The following PRRC2B variants were observed in gnomAD, a reference collection of about 807,000 sequenced individuals.
PRRC2B encodes the protein protein PRRC2B.
A neutral mutation model predicts 242.3 loss-of-function variants in PRRC2B; 68 were observed. The observed-to-expected ratio is 0.28, with a 90% CI of 0.23 to 0.34. The LOEUF (loss-of-function observed/expected upper bound fraction) is 0.34, where lower values mean the gene tolerates loss of function less well. Ranked by LOEUF, PRRC2B falls within the 10% of genes least tolerant of loss-of-function variation. The pLI is 1.00. For synonymous variants in PRRC2B, 1,228 were observed against 1,173.6 expected (o/e 1.05, Z -0.95); for missense variants, 2,835 against 2,954.8 (o/e 0.96, Z 0.94).
chr9:131,465,149 G>T, intron 12 of PRRC2B, 71 bp downstream of exon 12: 2 of 1,427,908 alleles, frequency 1.4e-6, no homozygotes, highest in South Asian at 2.8e-5. Context: ...ACTTGCAACT[G>T]CCTTCCTTCT....
chr9:131,495,900 T>TC lies in PRRC2B; in HGVS notation c.*29dup. 1 of 1,593,986 alleles carries TC rather than the reference T, an allele frequency of 6.3e-7. No homozygotes were observed. On this transcript the variant is annotated 3_prime_UTR_variant, in exon 32 of 32. Coordinates refer to ENST00000683519, the MANE Select transcript of PRRC2B (RefSeq NM_013318.4). ...CAGTGCCTGGCTGCCACCTCGCCTC[T>TC]CCCTACTGAGGACGGTGCCGCCATG...
chr9:131,387,009 T>C (rs1044167518), intron 1 of PRRC2B, among the ~76,000 whole-genome samples: 4 of 149,080 alleles, frequency 2.7e-5, no homozygotes, highest in Non-Finnish European at 6.0e-5. Flanking sequence ...TTTCTTTCTT[T>C]CTTTCTTTTT....
At chr9:131,432,520 G>T (rs777241010) in intron 2 of PRRC2B, 97 bp from the exon 3 acceptor site, 180 of 1,199,402 alleles carry the variant, frequency 1.5e-4, no homozygotes, top group Middle Eastern at 1.0e-3. Context: ...GCTTTGTTAT[G>T]ATCACTTAGA....
At chr9:131,390,599 C>T (rs1836887663), upstream of PRRC2B, among the ~76,000 whole-genome samples, 4 of 147,172 alleles carry the variant, frequency 2.7e-5, no homozygotes, top group Middle Eastern at 0.011. Flanking sequence ...TGTCCTGCCT[C>T]AGCCTCCCGA....
chr9:131,379,713 C>T (rs1317732066), intron 1 of PRRC2B, among the ~76,000 whole-genome samples: 1 of 151,074 alleles, frequency 6.6e-6, no homozygotes, highest in Non-Finnish European at 1.5e-5. Flanking sequence ...ACAACCTCCG[C>T]CTCCTGGGTT....
chr9:131,430,308 A>G (rs1428278880), intron 2 of PRRC2B, 49 bp downstream of exon 2: 3 of 1,185,958 alleles, frequency 2.5e-6, no homozygotes, highest in East Asian at 2.5e-5. Flanking sequence ...TCCGAGTGAC[A>G]TATCCCAGAA....
chr9:131,409,926 A>G (rs1837463785), intron 1 of PRRC2B, among the ~76,000 whole-genome samples: 1 of 152,214 alleles, frequency 6.6e-6, no homozygotes, highest in African/African-American at 2.4e-5. Flanking sequence ...TTTGCAGAGT[A>G]CTTCTCATTT....
chr9:131,485,912 G>C (rs1301319570), intron 25 of PRRC2B, among the ~76,000 whole-genome samples, 173 bp from the exon 26 acceptor site: 1 of 152,182 alleles, frequency 6.6e-6, no homozygotes, highest in African/African-American at 2.4e-5. Context: ...CAGGCGTGTT[G>C]TGAGCAGGCG....
chr9:131,491,883 C>T (rs2131484803), intron 29 of PRRC2B, among the ~76,000 whole-genome samples: 1 of 152,294 alleles, frequency 6.6e-6, no homozygotes, highest in South Asian at 2.1e-4. Context: ...TGTGATGGTT[C>T]TTGCTTCTAA....
chr9:131,455,230 G>T, intron 10 of PRRC2B, 64 bp downstream of exon 10: 2 of 1,179,492 alleles, frequency 1.7e-6, no homozygotes, highest in South Asian at 2.7e-5. Flanking sequence ...TGTGTACCCA[G>T]AGCATTTCCC....
Position 131,478,505 on chromosome 9 carries a change from C to G in PRRC2B, c.4644C>G (p.Pro1548=), listed in dbSNP as rs200085835. ...TCATTGAAAATTGCGGGTCCAGCCC[C>G]GGGGAGGAGAGTGAGGTGGGTTCTA... is the stretch of plus-strand genomic sequence containing the variant. ...SAIIENCGSS[P]GEESEVGSMV... is the part of the protein sequence containing the mutation. The change falls in exon 18 of 32, where the codon CCC becomes CCG. Residue 1548 remains proline, a synonymous_variant. Coordinates refer to ENST00000683519, the MANE Select transcript of PRRC2B (RefSeq NM_013318.4). The G allele has an allele frequency of 6.2e-7, 1 of 1,613,450 alleles. No individual in the cohort carries two copies. The highest frequency in any genetic ancestry group is 8.5e-7 in the Non-Finnish European group (1 of 1,179,656).
At chr9:131,463,463 T>A (rs1025542035) in intron 11 of PRRC2B, among the ~76,000 whole-genome samples, 11 of 152,188 alleles carry the variant, frequency 7.2e-5, no homozygotes, top group Admixed American at 5.2e-4. Flanking sequence ...TCATTAGAAT[T>A]TCAGTGGCCA....
intron 1 of PRRC2B, among the ~76,000 whole-genome samples, chr9:131,427,293 T>G (rs1838002180): frequency 6.6e-6 from 1 of 152,164 alleles, no homozygotes; most frequent in Non-Finnish European, 1.5e-5. Context: ...TAATCGATTT[T>G]CACTCCCTAT....
intron 12 of PRRC2B, 66 bp downstream of exon 12, chr9:131,465,144 C>T (rs978553336): frequency 1.4e-6 from 2 of 1,444,798 alleles, no homozygotes; most frequent in African/African-American, 1.4e-5. Flanking sequence ...TTGTTACTTG[C>T]AACTGCCTTC....
In PRRC2B at chr9:131,447,781, C is replaced by G. The variant is rs1341086415; in HGVS notation, c.1097C>G (p.Ala366Gly). The G allele has an allele frequency of 2.5e-6, 4 of 1,612,950 alleles. No individual in the cohort carries two copies. The highest frequency in any genetic ancestry group is 3.4e-6 in the Non-Finnish European group (4 of 1,179,302). ...ENLKGLDDLD[A>G]DADDGWAGLH... ...CTGAAGGGCCTTGACGATCTGGACG[C>G]CGATGCCGATGATGGCTGGGCAGGT... is the stretch of plus-strand genomic sequence containing the variant. The change falls in exon 9 of 32, where the codon GCC (alanine) becomes GGC (glycine). Residue 366 changes from alanine to glycine, a missense_variant. Ala to Gly is a moderately conservative substitution (Grantham distance 60, BLOSUM62 0). Transcript: ENST00000683519.
At chr9:131,424,337 A>C (rs957860372) in intron 1 of PRRC2B, among the ~76,000 whole-genome samples, 1 of 152,118 alleles carries the variant, frequency 6.6e-6, no homozygotes, top group Non-Finnish European at 1.5e-5. Flanking sequence ...GTAGATGAGG[A>C]AACAGGTCTA....
intron 23 of PRRC2B, among the ~76,000 whole-genome samples, chr9:131,484,149 T>G (rs1283582818): frequency 1.3e-5 from 2 of 152,166 alleles, no homozygotes; most frequent in Non-Finnish European, 2.9e-5. Flanking sequence ...ACACCGGGGA[T>G]CTGCAGGAAG....
chr9:131,376,516 T>A (rs972323801), intron 1 of PRRC2B, among the ~76,000 whole-genome samples: 4 of 152,002 alleles, frequency 2.6e-5, no homozygotes, highest in African/African-American at 9.7e-5. Flanking sequence ...GGACTACAAT[T>A]CCCAGCCCCC....
intron 9 of PRRC2B, 178 bp downstream of exon 9, chr9:131,447,982 C>A: frequency 2.0e-6 from 1 of 499,192 alleles, no homozygotes; most frequent in Non-Finnish European, 3.3e-6. Flanking sequence ...ACTAGAGGTT[C>A]CTTCCTGGCC....
Sources: allele counts gnomAD v4.1 joint callset (sites outside exome capture counted in the v4.1 genomes callset), GRCh38; gene constraint gnomAD v4.1.1; transcripts MANE v1.5; gene names NCBI Gene and HGNC (gene_info 2026-07-23, HGNC 2026-07-21).